Variants in ARNT2 observed in about 807,000 individuals in gnomAD.
The protein encoded by ARNT2 is aryl hydrocarbon receptor nuclear translocator 2.
A neutral mutation model predicts 91.7 loss-of-function variants in ARNT2; 36 were observed. The ratio of observed to expected loss-of-function variants is 0.39; its 90% CI spans 0.30 to 0.52. The LOEUF (loss-of-function observed/expected upper bound fraction) is 0.52. Among genes scored for constraint, ARNT2 ranks in the 20% least tolerant of loss-of-function variants. ARNT2 has a pLI of 0.72. For missense variants in ARNT2, 775 were observed against 939.3 expected (o/e 0.83, Z 2.29); for synonymous variants, 365 against 347.1 (o/e 1.05, Z -0.57).
intron 5 of ARNT2, among the ~76,000 whole-genome samples, chr15:80,501,804 A>G (rs994274389): frequency 2.0e-5 from 3 of 152,250 alleles, no homozygotes; most frequent in African/African-American, 7.2e-5. Context: ...TCCATTTTCC[A>G]GTTGAAGAAA....
intron 5 of ARNT2, among the ~76,000 whole-genome samples, chr15:80,493,546 G>A (rs1008672743): frequency 6.6e-6 from 1 of 152,104 alleles, no homozygotes; most frequent in Non-Finnish European, 1.5e-5. Flanking sequence ...GTGGCAGGTT[G>A]TTTGCTTTAA....
Position 80,514,360 on chromosome 15 carries a change from G to A in ARNT2, c.832G>A (p.Ala278Thr). 4 of 1,614,218 alleles carry A rather than the reference G, an allele frequency of 2.5e-6. No individual in the cohort carries two copies. Among genetic ancestry groups the A allele is most frequent in the Non-Finnish European group, 3.4e-6 (4 of 1,180,034 alleles). Residue 278 changes from alanine (A) to threonine (T), a missense_variant, in exon 8 of 19, where the codon GCT becomes ACT. Around this residue, in one of 5 missense-constraint regions of ARNT2, gnomAD observed 285 missense variants for 327.2 expected, o/e 0.87. Transcript: ENST00000303329. Reference sequence around the variant, plus strand: ...TGTGAAAGAAGGAGAAGCCCAATATGCTGTGGTCCACTGTACAGGATACAT... The same window carrying A: ...TGTGAAAGAAGGAGAAGCCCAATATACTGTGGTCCACTGTACAGGATACAT... The part of the protein sequence containing the change: ...GPVKEGEAQY[A>T]VVHCTGYIKA...
chr15:80,529,678 TTATC>T (rs1897704092), intron 8 of ARNT2, among the ~76,000 whole-genome samples: 2 of 152,192 alleles, frequency 1.3e-5, no homozygotes, highest in Non-Finnish European at 2.9e-5. Flanking sequence ...ATAGGAGAAT[TTATC>T]TATGGTTTTT....
At chr15:80,452,093 G>C (rs1032025377) in intron 2 of ARNT2, among the ~76,000 whole-genome samples, 6 of 152,190 alleles carry the variant, frequency 3.9e-5, no homozygotes, top group Non-Finnish European at 8.8e-5. Context: ...ATCTGGGATG[G>C]AGTGTGGCTA....
In ARNT2 at chr15:80,413,175, T is replaced by C. The variant is rs1208291848; in HGVS notation, c.31+8629T>C. On this transcript the variant is annotated intron_variant, in intron 1 of 18. Transcript: ENST00000303329. The stretch of plus-strand genomic sequence containing the variant: ...GGCAGAGAGCCTCTGATGGCCTCAG[T>C]GGGCCGCTGCAGGGGCCCCATGACT... 5.3e-5 allele frequency among the ~76,000 whole-genome samples: 8 copies of C among 152,262 alleles called. No individual in the cohort carries two copies. In the South Asian group the frequency reaches 1.0e-3, roughly 20 times the overall value.
intron 17 of ARNT2, among the ~76,000 whole-genome samples, chr15:80,584,262 C>T (rs368135718): frequency 4.1e-4 from 63 of 152,268 alleles, no homozygotes; most frequent in African/African-American, 1.5e-3. Context: ...TTGGGGTTCA[C>T]ATCAGAGGTG....
intron 3 of ARNT2, among the ~76,000 whole-genome samples, chr15:80,464,285 C>G (rs1896614285): frequency 1.3e-5 from 2 of 151,160 alleles, no homozygotes; most frequent in Admixed American, 1.3e-4. Flanking sequence ...CAGCTTCCTC[C>G]TCTGGGGAAA....
chr15:80,452,028 T>G (rs1896401244), intron 2 of ARNT2, among the ~76,000 whole-genome samples: 1 of 152,160 alleles, frequency 6.6e-6, no homozygotes, highest in Non-Finnish European at 1.5e-5. Context: ...CGTTTTTAGG[T>G]GGTCCAATAT....
At position 80,593,620 on chromosome 15, in the gene ARNT2, A is replaced by C. The variant is rs1486009426; in HGVS notation, c.2076A>C (p.Gly692=). ...TGCAGGACATGCTGCCCATGCCAGG[A>C]GATCCAACCCAGGGGACTGGCAACT... ...EVFQDMLPMP[G]DPTQGTGNYN... Residue 692 remains glycine, a synonymous_variant, in exon 19 of 19, where the codon GGA becomes GGC. Transcript: ENST00000303329. The C allele has an allele frequency of 6.2e-7, 1 of 1,602,528 alleles. No homozygotes were observed. The highest frequency in any genetic ancestry group is 1.3e-5 in the African/African-American group (1 of 74,820).
intron 1 of ARNT2, chr15:80,442,889 T>C: frequency 4.1e-6 from 4 of 985,482 alleles, no homozygotes; most frequent in Non-Finnish European, 4.8e-6. Flanking sequence ...TTTTGGGATC[T>C]GACGCCGACA....
At chr15:80,512,361 G>A (rs1394035310) in intron 6 of ARNT2, among the ~76,000 whole-genome samples, 2 of 152,308 alleles carry the variant, frequency 1.3e-5, no homozygotes, top group East Asian at 1.9e-4. Context: ...TCGAGGCTGA[G>A]CCTCTGGAAT....
Position 80,581,246 on chromosome 15 carries a change from C to T in ARNT2, c.1760C>T (p.Pro587Leu). The change falls in exon 17 of 19, where the codon CCA (proline) becomes CTA (leucine). Residue 587 changes from proline (P) to leucine (L), a missense_variant. By Grantham distance (98) the Pro-to-Leu change is moderately conservative (BLOSUM62 -3). Around this residue, in one of 5 missense-constraint regions of ARNT2, gnomAD observed 325 missense variants for 359.9 expected, o/e 0.90. Coordinates refer to ENST00000303329, the MANE Select transcript of ARNT2 (RefSeq NM_014862.4). ...GCTTTGTCCTGATTGTAGCAAATCC[C>T]ATCTCAGTCCAGCAAGACTCAGTCA... ...SRPPFPGQQI[P>L]SQSSKTQSSP... is the part of the protein sequence containing the mutation. 1 of 1,614,118 alleles carries T rather than the reference C, an allele frequency of 6.2e-7. No individual in the cohort carries two copies. The highest frequency in any genetic ancestry group is 1.1e-5 in the South Asian group (1 of 91,074).
intron 15 of ARNT2, among the ~76,000 whole-genome samples, chr15:80,578,796 T>C (rs1262174277): frequency 3.3e-5 from 5 of 152,108 alleles, no homozygotes; most frequent in Admixed American, 2.6e-4. Flanking sequence ...AATAAATGAC[T>C]GAGTTAATTA....
intron 8 of ARNT2, among the ~76,000 whole-genome samples, chr15:80,544,982 C>T (rs900617436): frequency 6.6e-6 from 1 of 152,094 alleles, no homozygotes; most frequent in Non-Finnish European, 1.5e-5. Flanking sequence ...GCTATAGTGA[C>T]CACCCCACCA....
intron 8 of ARNT2, among the ~76,000 whole-genome samples, chr15:80,548,513 A>G (rs1294570737): frequency 1.3e-5 from 2 of 152,164 alleles, no homozygotes; most frequent in Non-Finnish European, 2.9e-5. Context: ...CAGATTATAT[A>G]ATATTACACC....
At chr15:80,425,505 G>A (rs2141564736) in intron 1 of ARNT2, among the ~76,000 whole-genome samples, 1 of 152,192 alleles carries the variant, frequency 6.6e-6, no homozygotes, top group East Asian at 1.9e-4. Flanking sequence ...CAACCCAGAG[G>A]TTAAAGATAG....
intron 12 of ARNT2, among the ~76,000 whole-genome samples, chr15:80,568,327 T>C (rs1408311969): frequency 6.6e-6 from 1 of 152,228 alleles, no homozygotes; most frequent in East Asian, 1.9e-4. Flanking sequence ...GACATCTTTT[T>C]AGGGGAGTGA....
intron 8 of ARNT2, among the ~76,000 whole-genome samples, chr15:80,515,332 C>G (rs1897415765): frequency 6.6e-6 from 1 of 152,170 alleles, no homozygotes; most frequent in African/African-American, 2.4e-5. Context: ...GGAAACAACT[C>G]AAATGTACAC....
chr15:80,467,713 C>T (rs1435563919), intron 3 of ARNT2, among the ~76,000 whole-genome samples: 2 of 152,194 alleles, frequency 1.3e-5, no homozygotes, highest in Non-Finnish European at 2.9e-5. Flanking sequence ...TCCACCCCAT[C>T]GGGCCTTGAT....
Sources: gnomAD v4.1 joint callset for allele counts (sites outside exome capture counted in the v4.1 genomes callset) on GRCh38, gnomAD v4.1.1 for gene constraint, gnomAD v4.1.1 regional missense constraint, MANE v1.5 for transcripts, NCBI Gene and HGNC (gene_info 2026-07-23, HGNC 2026-07-21) for gene names.